Variants in ERN1 observed in about 807,000 individuals in gnomAD.
The protein encoded by ERN1 is serine/threonine-protein kinase/endoribonuclease IRE1.
ERN1 carries 39 observed loss-of-function variants against 113.1 expected under a neutral mutation model. That is an observed-to-expected ratio of 0.34 (90% CI 0.27 to 0.45). The LOEUF (loss-of-function observed/expected upper bound fraction) is 0.45. Ranked by LOEUF, ERN1 falls within the 20% of genes least tolerant of loss-of-function variation. The pLI is 1.00. For synonymous variants in ERN1, 507 were observed against 515.9 expected, an observed-to-expected ratio of 0.98 and a Z score of 0.23; for missense variants, 976 against 1,274.8, an observed-to-expected ratio of 0.77 and a Z score of 3.57.
At chr17:64,093,576 A>T (rs1914146446) in intron 2 of ERN1, among the ~76,000 whole-genome samples, 1 of 152,186 alleles carries the variant, frequency 6.6e-6, no homozygotes. Context: ...CTTGGCTTGC[A>T]GACGGCCACC....
At chr17:64,046,057 A>C (rs1200744137) in intron 19 of ERN1, among the ~76,000 whole-genome samples, 1 of 152,136 alleles carries the variant, frequency 6.6e-6, no homozygotes, top group Non-Finnish European at 1.5e-5. Context: ...TAATAAGGAG[A>C]GGGTCAGGAA....
intron 8 of ERN1, 142 bp from the exon 9 acceptor site, chr17:64,065,429 A>G: frequency 1.7e-6 from 1 of 599,042 alleles, no homozygotes; most frequent in South Asian, 2.2e-5. Flanking sequence ...AGGGGTGTGA[A>G]GCTAGGGGCA....
chr17:64,065,230 T>G lies in ERN1; in HGVS notation c.900A>C (p.Val300=). The stretch of plus-strand genomic sequence containing the variant: ...TTACCACGACAGCAACCCCCTCGTG[T>G]ACCATTGAGGGAGAGGCATAGAGGC... The part of the protein sequence containing the change: ...STSLYASPSM[V]HEGVAVVPRG... The change falls in exon 9 of 22, where the codon GTA becomes GTC. Residue 300 remains valine (V), a synonymous_variant. Coordinates refer to ENST00000433197, the MANE Select transcript of ERN1 (RefSeq NM_001433.5). 1 of 1,608,916 alleles carries G rather than the reference T, an allele frequency of 6.2e-7. No individual in the cohort carries two copies.
Position 64,054,030 on chromosome 17 carries a change from C to T in ERN1, c.1953+220G>A. 1 of 479,680 alleles carries T rather than the reference C, an allele frequency of 2.1e-6. No homozygotes were observed. 29.7% of individuals were successfully genotyped at this position (479,680 alleles called of 1,614,324 possible). ...TCACTGCTTACTGCAGCCTTGATCT[C>T]CCAGGCTCAAGCAATCTTCCCACCT... On this transcript the variant is annotated intron_variant, in intron 15 of 21. Coordinates refer to ENST00000433197, the MANE Select transcript of ERN1 (RefSeq NM_001433.5). This position sits in a 1 kb window ranked among gnomAD's most constrained non-coding sequence, Gnocchi z 4.9.
At position 64,043,502 on chromosome 17, in the gene ERN1, C is replaced by G. The variant is rs1006928475; in HGVS notation, c.*486G>C. ...ATCTCACACTGCAGGACGACACCCT[C>G]TGAACTCCGTCCTCCCCCTCCTCAG... On this transcript the variant is annotated 3_prime_UTR_variant, in exon 22 of 22. Transcript: ENST00000433197. The G allele has an allele frequency of 1.9e-5, 3 of 154,360 alleles. No homozygotes were observed. Among genetic ancestry groups the G allele is most frequent in the African/African-American group, 7.2e-5 (3 of 41,556 alleles). 9.6% of individuals were successfully genotyped at this position (154,360 alleles called of 1,614,324 possible). A position where few individuals can be genotyped will look rare whatever the true frequency, so the allele number is the denominator to read the frequency against.
Position 64,068,301 on chromosome 17 carries a change from A to C in ERN1, c.479-10T>G. ...ATGGTGATGGTGTATTCTAAAGAACACAGACCAGCCAGCCCATTACCACGG... is the reference window on the plus strand; with the variant it reads ...ATGGTGATGGTGTATTCTAAAGAACCCAGACCAGCCAGCCCATTACCACGG... On this transcript the variant is annotated splice_polypyrimidine_tract_variant and intron_variant, in intron 6 of 21. Coordinates refer to ENST00000433197, the MANE Select transcript of ERN1 (RefSeq NM_001433.5). 6.2e-7 allele frequency: 1 copy of C among 1,602,512 alleles called. No homozygotes were observed. Among genetic ancestry groups the C allele is most frequent in the Non-Finnish European group, 8.5e-7 (1 of 1,172,588 alleles).
At chr17:64,109,738 C>G (rs1294449432) in intron 1 of ERN1, among the ~76,000 whole-genome samples, 1 of 152,178 alleles carries the variant, frequency 6.6e-6, no homozygotes, top group Non-Finnish European at 1.5e-5. Flanking sequence ...AAGTGACTTG[C>G]CCAGGGCACC....
chr17:64,048,987 C>G (rs1912598168), intron 18 of ERN1, 68 bp downstream of exon 18: 1 of 1,446,526 alleles, frequency 6.9e-7, no homozygotes, highest in South Asian at 1.5e-5. Flanking sequence ...GTGGCACCAG[C>G]CCAGCTCTGC....
At chr17:64,110,338 T>C (rs1009961526) in intron 1 of ERN1, among the ~76,000 whole-genome samples, 1 of 152,244 alleles carries the variant, frequency 6.6e-6, no homozygotes, top group African/African-American at 2.4e-5. Context: ...CCTTACATAC[T>C]TATCATTTTT....
chr17:64,128,000 G>C (rs1915124753), intron 1 of ERN1, among the ~76,000 whole-genome samples: 1 of 150,228 alleles, frequency 6.7e-6, no homozygotes, highest in South Asian at 2.1e-4. Context: ...GTGAAATTCT[G>C]ACCTTTCTTT....
chr17:64,052,761 G>A lies in ERN1; in HGVS notation c.2253+19C>T. The A allele has an allele frequency of 1.2e-6, 2 of 1,607,216 alleles. No individual in the cohort carries two copies. The highest frequency in any genetic ancestry group is 2.2e-5 in the East Asian group (1 of 44,704). ...GGGCTGGTTCTGTAGTTTTCAAAGG[G>A]CCATAGCCTATTACTCACAGGGTTC... On this transcript the variant is annotated intron_variant, in intron 17 of 21. Coordinates refer to ENST00000433197, the MANE Select transcript of ERN1 (RefSeq NM_001433.5).
intron 18 of ERN1, 134 bp from the exon 19 acceptor site, chr17:64,048,119 GAACA>G: frequency 1.1e-6 from 1 of 874,734 alleles, no homozygotes; most frequent in Admixed American, 3.0e-5. Flanking sequence ...AAATAATTAG[GAACA>G]GACACAAAAC....
chr17:64,079,161 T>C (rs942832447), intron 4 of ERN1, among the ~76,000 whole-genome samples: 3 of 152,126 alleles, frequency 2.0e-5, no homozygotes, highest in African/African-American at 4.8e-5. Context: ...CCTTCTGGGA[T>C]TGGGCCCTAT....
chr17:64,075,210 G>T lies in ERN1; in HGVS notation c.320C>A (p.Ser107Tyr), dbSNP rs1050929148. 6.6e-7 allele frequency: 1 copy of T among 1,517,904 alleles called. No homozygotes were observed. Among genetic ancestry groups the T allele is most frequent in the Non-Finnish European group, 8.8e-7 (1 of 1,132,950 alleles). 94.0% of individuals were successfully genotyped at this position (1,517,904 alleles called of 1,614,324 possible). A position where few individuals can be genotyped will look rare whatever the true frequency, so the allele number is the denominator to read the frequency against. ...GATTCCATCTGAACTTCGGCATGGG[G>T]ATGCCTGCACCAATTCTGGGATGGT... ...PFTIPELVQA[S>Y]PCRSSDGILY... The change falls in exon 5 of 22, where the codon TCC becomes TAC. Residue 107 changes from serine (S) to tyrosine (Y), a missense_variant. Physicochemically the swap from Ser to Tyr is moderately radical, Grantham distance 144. This residue lies in a region of ERN1 where 459 missense variants were observed against 581.2 expected (regional missense o/e 0.79). Transcript: ENST00000433197.
intron 1 of ERN1, among the ~76,000 whole-genome samples, chr17:64,099,277 A>AT (rs11442464): frequency 0.33 from 48,285 of 148,426 alleles, 13,080 homozygotes; most frequent in African/African-American, 0.75. Context: ...TACTGGACAG[A>AT]TTTTTTTTTT....
chr17:64,103,750 C>T (rs1307625119), intron 1 of ERN1, among the ~76,000 whole-genome samples: 2 of 152,076 alleles, frequency 1.3e-5, no homozygotes, highest in Admixed American at 1.3e-4. Context: ...TCTTAAATGC[C>T]TTCTGAAATA....
chr17:64,115,681 G>T (rs559405255), intron 1 of ERN1, among the ~76,000 whole-genome samples: 76 of 152,264 alleles, frequency 5.0e-4, no homozygotes, highest in African/African-American at 1.7e-3. Flanking sequence ...AGTTCCTCAG[G>T]TATCCTCATG....
intron 1 of ERN1, among the ~76,000 whole-genome samples, chr17:64,124,276 T>C (rs1044852380): frequency 6.6e-6 from 1 of 152,138 alleles, no homozygotes; most frequent in Non-Finnish European, 1.5e-5. Context: ...AGAGTGAAAA[T>C]AAATGTCCAC....
At position 64,052,878 on chromosome 17, in the gene ERN1, C is replaced by A. The variant is rs1416693149; in HGVS notation, c.2155G>T (p.Ala719Ser). 1.2e-6 allele frequency: 2 copies of A among 1,613,888 alleles called. No homozygotes were observed. Among genetic ancestry groups the A allele is most frequent in the African/African-American group, 2.7e-5 (2 of 74,940 alleles). Residue 719 changes from alanine to serine, a missense_variant, in exon 17 of 22, where the codon GCA (alanine) becomes TCA (serine). Around this residue, in one of 5 missense-constraint regions of ERN1, gnomAD observed 297 missense variants for 457.8 expected, o/e 0.65. Transcript: ENST00000433197. Reference sequence around the variant, plus strand: ...CGGCTGAAACTGTGTCTGCCCACTGCCAGCTTCTTGCAGAGGCCAAAGTCG... The same window carrying A: ...CGGCTGAAACTGTGTCTGCCCACTGACAGCTTCTTGCAGAGGCCAAAGTCG... The part of the protein sequence containing the change: ...ISDFGLCKKL[A>S]VGRHSFSRRS...
Sources: allele counts gnomAD v4.1 joint callset (sites outside exome capture counted in the v4.1 genomes callset), GRCh38; gene constraint gnomAD v4.1.1; regional missense constraint gnomAD v4.1.1; non-coding constraint Gnocchi (gnomAD v3.1); transcripts MANE v1.5; gene names NCBI Gene and HGNC (gene_info 2026-07-23, HGNC 2026-07-21).